SLC4A7: variants seen among roughly 807,000 people sequenced by gnomAD.
SLC4A7 encodes solute carrier family 4 member 7.
SLC4A7 carries 51 observed loss-of-function variants against 137.6 expected under a neutral mutation model. That is an observed-to-expected ratio of 0.37 (90% CI 0.30 to 0.47). The LOEUF is 0.47. Ranked by LOEUF, SLC4A7 falls within the 20% of genes least tolerant of loss-of-function variation. The pLI is 1.00. For synonymous variants in SLC4A7, 542 were observed against 518.6 expected (o/e 1.05, Z -0.61); for missense variants, 1,247 against 1,525.4 (o/e 0.82, Z 3.04).
At position 27,431,347 on chromosome 3, in the gene SLC4A7, C is replaced by A; in HGVS notation, c.1101G>T (p.Ala367=). The A allele has an allele frequency of 1.2e-6, 2 of 1,610,906 alleles. No individual in the cohort carries two copies. Among genetic ancestry groups the A allele is most frequent in the Non-Finnish European group, 1.7e-6 (2 of 1,178,330 alleles). The part of the protein sequence containing the change: ...IHPPEEDLEA[A]LKGEEQKNEE... ...CATTCTTCTGCTCCTCGCCTTTCAGCGCTGCTTCTAAGTCTTCCTCAGGCG... is the reference window on the plus strand; with the variant it reads ...CATTCTTCTGCTCCTCGCCTTTCAGAGCTGCTTCTAAGTCTTCCTCAGGCG... The change falls in exon 7 of 26, where the codon GCG becomes GCT. Residue 367 remains alanine (A), a synonymous_variant. Transcript: ENST00000454389.
intron 2 of SLC4A7, 58 bp from the exon 3 acceptor site, chr3:27,448,855 T>C (rs1225951035): frequency 1.3e-5 from 17 of 1,291,050 alleles, no homozygotes; most frequent in Middle Eastern, 1.9e-4. Context: ...AAGTGATATA[T>C]ACAAAAGTAC....
chr3:27,398,777 T>C (rs2052460373), intron 16 of SLC4A7, among the ~76,000 whole-genome samples: 1 of 152,218 alleles, frequency 6.6e-6, no homozygotes, highest in Non-Finnish European at 1.5e-5. Context: ...AAATTAATAC[T>C]ATGCTCTTTT....
rs1486509766 is a variant in SLC4A7, at chr3:27,373,448, A to G, written c.*3316T>C. 1 of 152,184 alleles carries G rather than the reference A, an allele frequency of 6.6e-6. No homozygotes were observed. Among genetic ancestry groups the G allele is most frequent in the Non-Finnish European group, 1.5e-5 (1 of 67,976 alleles). 9.4% of individuals were successfully genotyped at this position (152,184 alleles called of 1,614,324 possible). A position where few individuals can be genotyped will look rare whatever the true frequency, so the allele number is the denominator to read the frequency against. On this transcript the variant is annotated 3_prime_UTR_variant, in exon 26 of 26. Coordinates refer to ENST00000454389, the MANE Select transcript of SLC4A7 (RefSeq NM_001321103.2). ...GACATTTCACATATTTGCACTGCAT[A>G]CGATAAAAATGATGTGATCTACATA...
intron 1 of SLC4A7, among the ~76,000 whole-genome samples, chr3:27,477,091 AACT>A (rs1243392390): frequency 6.6e-6 from 1 of 152,230 alleles, no homozygotes; most frequent in Non-Finnish European, 1.5e-5. Context: ...AATAGAAGGA[AACT>A]ACTACAGCTA....
intron 3 of SLC4A7, among the ~76,000 whole-genome samples, chr3:27,439,666 C>T (rs556699281): frequency 2.6e-5 from 4 of 152,228 alleles, no homozygotes; most frequent in East Asian, 1.9e-4. Context: ...CCTGTATCTG[C>T]GAATAAAGAC....
Position 27,416,593 on chromosome 3 carries a change from A to C in SLC4A7, c.1659+1893T>G, listed in dbSNP as rs550424871. On this transcript the variant is annotated intron_variant, in intron 11 of 25. Coordinates refer to ENST00000454389, the MANE Select transcript of SLC4A7 (RefSeq NM_001321103.2). ...GTTTGCATGCAAATTTTTTCAAATTATCAAAAAACTTTCCAATGTTTATTG... is the reference window on the plus strand; with the variant it reads ...GTTTGCATGCAAATTTTTTCAAATTCTCAAAAAACTTTCCAATGTTTATTG... 5.3e-5 allele frequency among the ~76,000 whole-genome samples: 8 copies of C among 152,318 alleles called. No individual in the cohort carries two copies. The South Asian group carries it at 1.7e-3, about 32-fold the overall frequency.
chr3:27,472,503 T>A (rs57118016), intron 1 of SLC4A7, among the ~76,000 whole-genome samples: 1 of 151,316 alleles, frequency 6.6e-6, no homozygotes, highest in Non-Finnish European at 1.5e-5. Flanking sequence ...TAAAAATATA[T>A]ATAAAAACAA....
chr3:27,440,059 C>T (rs369631082), intron 3 of SLC4A7, among the ~76,000 whole-genome samples: 3 of 152,148 alleles, frequency 2.0e-5, no homozygotes, highest in African/African-American at 7.2e-5. Context: ...TTTAAACCAA[C>T]CTTATGTTCC....
chr3:27,467,296 A>G (rs2059050133), intron 1 of SLC4A7, among the ~76,000 whole-genome samples: 4 of 152,192 alleles, frequency 2.6e-5, no homozygotes, highest in African/African-American at 9.7e-5. Flanking sequence ...TCATTCCACT[A>G]GGCCACATAC....
chr3:27,417,641 C>G (rs2054523457), intron 11 of SLC4A7, among the ~76,000 whole-genome samples: 1 of 152,062 alleles, frequency 6.6e-6, no homozygotes, highest in African/African-American at 2.4e-5. Context: ...GTGGTCCAGG[C>G]TACATAGAAG....
chr3:27,404,892 T>A lies in SLC4A7; in HGVS notation c.2013A>T (p.Leu671=), dbSNP rs1272085457. The A allele has an allele frequency of 2.5e-6, 4 of 1,610,988 alleles. No individual in the cohort carries two copies. The highest frequency in any genetic ancestry group is 3.4e-6 in the Non-Finnish European group (4 of 1,178,828). Residue 671 remains leucine (L), a synonymous_variant, in exon 14 of 26, where the codon CTA becomes CTT. Coordinates refer to ENST00000454389, the MANE Select transcript of SLC4A7 (RefSeq NM_001321103.2). ...CTGGACCTGTGCTCCCCAATATTGTTAGAGGTTGCCCAGCAAACAATGAAT... is the reference window on the plus strand; with the variant it reads ...CTGGACCTGTGCTCCCCAATATTGTAAGAGGTTGCCCAGCAAACAATGAAT... The part of the protein sequence containing the change: ...IAYSLFAGQP[L]TILGSTGPVL...
At chr3:27,438,012 C>T (rs984696281) in intron 3 of SLC4A7, among the ~76,000 whole-genome samples, 3 of 152,116 alleles carry the variant, frequency 2.0e-5, no homozygotes, top group Middle Eastern at 3.2e-3. Context: ...GCCTAGCCAA[C>T]ATGGTGAAAC....
At chr3:27,437,240 A>T in intron 4 of SLC4A7, 148 bp downstream of exon 4, 1 of 417,316 alleles carries the variant, frequency 2.4e-6, no homozygotes, top group Non-Finnish European at 4.1e-6. Context: ...AATGTCAGCT[A>T]CTCGGGAGGC....
At chr3:27,447,611 C>T (rs9844903) in intron 3 of SLC4A7, among the ~76,000 whole-genome samples, 138,182 of 147,960 alleles carry the variant, frequency 0.93, 64,609 homozygotes, top group East Asian at 1. Flanking sequence ...AAGTATAATG[C>T]CTAAGAATCC....
At chr3:27,377,841 A>C (rs1355095517) in intron 25 of SLC4A7, among the ~76,000 whole-genome samples, 1 of 152,216 alleles carries the variant, frequency 6.6e-6, no homozygotes, top group African/African-American at 2.4e-5. Context: ...TTCTCCAGAC[A>C]AACTGAAGAA....
chr3:27,471,356 G>A (rs535431104), intron 1 of SLC4A7, among the ~76,000 whole-genome samples: 1 of 152,198 alleles, frequency 6.6e-6, no homozygotes, highest in Non-Finnish European at 1.5e-5. Context: ...GCAGAGGCTA[G>A]TCAGGATTTC....
rs2056296911 is a variant in SLC4A7 at position 27,431,587 on chromosome 3, T to A, written c.861A>T (p.Leu287Phe). ...SNLSLRGESP[L>F]SLLLGHLLPS... ...GAAGAAGATGACCAAGAAGAAGAGA[T>A]AAAGGTGATTCTCCTCTCAAGGAAA... The change falls in exon 7 of 26, where the codon TTA becomes TTT. Residue 287 changes from leucine to phenylalanine, a missense_variant. Coordinates refer to ENST00000454389, the MANE Select transcript of SLC4A7 (RefSeq NM_001321103.2). The A allele has an allele frequency of 3.1e-6, 5 of 1,613,978 alleles. No individual in the cohort carries two copies. In the South Asian group the frequency reaches 3.3e-5, roughly 11 times the overall value.
intron 11 of SLC4A7, among the ~76,000 whole-genome samples, chr3:27,417,428 C>T (rs1046244946): frequency 1.3e-5 from 2 of 152,134 alleles, no homozygotes; most frequent in Non-Finnish European, 2.9e-5. Flanking sequence ...CAGGAATATT[C>T]AACCTCACTA....
At chr3:27,469,494 A>G (rs1202340739) in intron 1 of SLC4A7, among the ~76,000 whole-genome samples, 1 of 152,212 alleles carries the variant, frequency 6.6e-6, no homozygotes, top group Non-Finnish European at 1.5e-5. Context: ...GAACTCACAG[A>G]CACACTTACT....
Sources: gnomAD v4.1 joint callset for allele counts (sites outside exome capture counted in the v4.1 genomes callset) on GRCh38, gnomAD v4.1.1 for gene constraint, MANE v1.5 for transcripts, NCBI Gene and HGNC (gene_info 2026-07-23, HGNC 2026-07-21) for gene names.